The following PAPPA2 variants were observed in gnomAD, a reference collection of about 807,000 sequenced individuals.
PAPPA2 encodes pappalysin 2, also known as pappalysin-2.
PAPPA2 carries 86 observed loss-of-function variants against 176.4 expected under a neutral mutation model. The observed-to-expected ratio is 0.49, with a 90% CI of 0.41 to 0.58. PAPPA2 has a LOEUF of 0.58. Among genes scored for constraint, PAPPA2 ranks in the 20% least tolerant of loss-of-function variants. PAPPA2 has a pLI of 0.00. For missense variants in PAPPA2, 2,073 were observed against 2,256.9 expected (o/e 0.92, Z 1.65); for synonymous variants, 809 against 852.2 (o/e 0.95, Z 0.88).
At chr1:176,599,106 CTTCTG>C in intron 3 of PAPPA2, among the ~76,000 whole-genome samples, 1 of 151,726 alleles carries the variant, frequency 6.6e-6, no homozygotes, top group South Asian at 2.1e-4. Flanking sequence ...TTACTTCTAG[CTTCTG>C]TTCTGATAAT....
Position 176,695,827 on chromosome 1 carries a change from C to T in PAPPA2, c.2714C>T (p.Ser905Phe). ...HTASSRRVCD[S>F]SGYWTPEEAV... The stretch of plus-strand genomic sequence containing the variant: ...GCTTCCTCCCGGCGGGTGTGTGACT[C>T]CTCAGGTTATTGGACCCCAGAGGAG... The change falls in exon 7 of 23, where the codon TCC (serine) becomes TTC (phenylalanine). Residue 905 changes from serine (S) to phenylalanine (F), a missense_variant. Physicochemically the swap from Ser to Phe is radical, Grantham distance 155. Around this residue, in one of 4 missense-constraint regions of PAPPA2, gnomAD observed 1,196 missense variants for 1,330.4 expected, o/e 0.90. Transcript: ENST00000367662. 3 of 1,614,030 alleles carry T rather than the reference C, an allele frequency of 1.9e-6. No homozygotes were observed. Among genetic ancestry groups the T allele is most frequent in the Non-Finnish European group, 2.5e-6 (3 of 1,179,984 alleles).
At chr1:176,524,704 T>C (rs891096985) in intron 1 of PAPPA2, among the ~76,000 whole-genome samples, 1 of 152,260 alleles carries the variant, frequency 6.6e-6, no homozygotes, top group African/African-American at 2.4e-5. Context: ...TTCTTTCTTA[T>C]GGAGCTGCAT....
At chr1:176,690,465 A>G (rs778943313) in intron 5 of PAPPA2, 35 bp downstream of exon 5, 2 of 1,598,392 alleles carry the variant, frequency 1.3e-6, no homozygotes, top group East Asian at 4.5e-5. Flanking sequence ...TTCTGTTAAG[A>G]ATACATGGGG....
At chr1:176,710,251 G>T (rs759427867) in intron 11 of PAPPA2, 75 bp downstream of exon 11, 35 of 1,308,648 alleles carry the variant, frequency 2.7e-5, no homozygotes, top group Middle Eastern at 2.0e-4. Context: ...TACACTTGGG[G>T]TCTATGTTTG....
At chr1:176,465,113 G>C (rs1410801238) in intron 1 of PAPPA2, among the ~76,000 whole-genome samples, 1 of 152,176 alleles carries the variant, frequency 6.6e-6, no homozygotes, top group Non-Finnish European at 1.5e-5. Flanking sequence ...ATTCTGACAT[G>C]TGGATGTGCC....
At chr1:176,695,589 A>G in intron 6 of PAPPA2, 149 bp from the exon 7 acceptor site, 1 of 871,594 alleles carries the variant, frequency 1.1e-6, no homozygotes, top group Non-Finnish European at 1.7e-6. Flanking sequence ...AGAAAAAACG[A>G]TTGAGATACA....
intron 21 of PAPPA2, among the ~76,000 whole-genome samples, chr1:176,809,997 TG>T (rs1666078230): frequency 7.4e-6 from 1 of 135,774 alleles, no homozygotes; most frequent in African/African-American, 2.7e-5. Flanking sequence ...TGTGTGTGTG[TG>T]TGTTACAGTT....
chr1:176,536,008 G>A (rs1650048183), intron 1 of PAPPA2, among the ~76,000 whole-genome samples: 1 of 152,258 alleles, frequency 6.6e-6, no homozygotes, highest in South Asian at 2.1e-4. Flanking sequence ...TACATGGCTA[G>A]CATCTCAGCT....
At chr1:176,612,386 C>A (rs1480218275) in intron 3 of PAPPA2, among the ~76,000 whole-genome samples, 3 of 151,618 alleles carry the variant, frequency 2.0e-5, no homozygotes, top group Non-Finnish European at 4.4e-5. Flanking sequence ...GGAGCGAGAC[C>A]CTGTCTCAAA....
In PAPPA2 at chr1:176,516,741, G is replaced by A. The variant is rs988424392; in HGVS notation, c.-916-38666G>A. 2.0e-5 allele frequency among the ~76,000 whole-genome samples: 3 copies of A among 152,290 alleles called. 1 individual carries two copies. The highest frequency in any genetic ancestry group is 4.4e-5 in the Non-Finnish European group (3 of 68,030). On this transcript the variant is annotated intron_variant, in intron 1 of 22. Coordinates refer to ENST00000367662, the MANE Select transcript of PAPPA2 (RefSeq NM_020318.3). ...ACTATAAGAAAGTCCAGAACTACGA[G>A]AAATAAGTTTCTGTTGTTTTCAAAT...
intron 1 of PAPPA2, among the ~76,000 whole-genome samples, chr1:176,543,728 C>A (rs187450378): frequency 6.6e-6 from 1 of 152,302 alleles, no homozygotes; most frequent in South Asian, 2.1e-4. Context: ...ATGCCTCTCC[C>A]ATGGTGTAGA....
chr1:176,501,844 G>A (rs7521130), intron 1 of PAPPA2, among the ~76,000 whole-genome samples: 57,268 of 151,970 alleles, frequency 0.38, 12,733 homozygotes, highest in African/African-American at 0.61. Context: ...GCGAGTCACC[G>A]TGGTGATGCC....
chr1:176,516,764 A>C (rs1479598609), intron 1 of PAPPA2, among the ~76,000 whole-genome samples: 2 of 152,314 alleles, frequency 1.3e-5, no homozygotes, highest in Admixed American at 1.3e-4. Flanking sequence ...GTTGTTTTCA[A>C]ATTATCCAGT....
intron 3 of PAPPA2, among the ~76,000 whole-genome samples, chr1:176,670,520 T>C (rs1054453084): frequency 1.5e-4 from 23 of 152,212 alleles, no homozygotes; most frequent in Non-Finnish European, 2.9e-5. Context: ...AAAATAATGC[T>C]TGAAGTAGGC....
chr1:176,489,536 C>T (rs1238086325), intron 1 of PAPPA2, among the ~76,000 whole-genome samples: 1 of 152,166 alleles, frequency 6.6e-6, no homozygotes, highest in Non-Finnish European at 1.5e-5. Context: ...CTGAAATCTG[C>T]AGCAGCTGTC....
intron 2 of PAPPA2, among the ~76,000 whole-genome samples, chr1:176,563,564 A>G (rs1404410808): frequency 6.6e-6 from 1 of 152,150 alleles, no homozygotes; most frequent in Non-Finnish European, 1.5e-5. Flanking sequence ...GGAGGTAAGT[A>G]GTTGCAAAAG....
chr1:176,788,801 A>G (rs1665050804), intron 17 of PAPPA2, among the ~76,000 whole-genome samples: 1 of 152,234 alleles, frequency 6.6e-6, no homozygotes, highest in African/African-American at 2.4e-5. Context: ...TTCCAAGGAA[A>G]AATAAACTTG....
chr1:176,604,817 A>G (rs1394665744), intron 3 of PAPPA2, among the ~76,000 whole-genome samples: 3 of 152,210 alleles, frequency 2.0e-5, no homozygotes, highest in Non-Finnish European at 4.4e-5. Context: ...ATATATCTGT[A>G]TGTAGATGGA....
intron 12 of PAPPA2, among the ~76,000 whole-genome samples, chr1:176,733,858 A>G (rs1354992256): frequency 6.6e-6 from 1 of 152,058 alleles, no homozygotes; most frequent in African/African-American, 2.4e-5. Context: ...AGGAGAACTG[A>G]AACAGCCCCC....
Sources: allele counts gnomAD v4.1 joint callset (sites outside exome capture counted in the v4.1 genomes callset), GRCh38; gene constraint gnomAD v4.1.1; regional missense constraint gnomAD v4.1.1; transcripts MANE v1.5; gene names NCBI Gene and HGNC (gene_info 2026-07-23, HGNC 2026-07-21).